The following CCN5 variants were observed in gnomAD, a reference collection of about 807,000 sequenced individuals.
CCN5 encodes cellular communication network factor 5.
Under a neutral mutation model 18.7 loss-of-function variants are expected in CCN5, and 17 were observed. That is an observed-to-expected ratio of 0.91 (90% CI 0.62 to 1.36). The LOEUF (loss-of-function observed/expected upper bound fraction) is 1.36. CCN5 is among the 40% of genes most tolerant of loss of function. The pLI is 0.00. For synonymous variants in CCN5, 135 were observed against 145.2 expected, an observed-to-expected ratio of 0.93 and a Z score of 0.50; for missense variants, 367 against 342.9, an observed-to-expected ratio of 1.07 and a Z score of -0.56.
intron 1 of CCN5, among the ~76,000 whole-genome samples, chr20:44,717,450 T>A (rs543349081): frequency 1.9e-4 from 29 of 152,258 alleles, no homozygotes; most frequent in African/African-American, 6.3e-4. Context: ...TGTTTTCAGG[T>A]GGGAGGGACC....
At chr20:44,726,426 G>T (rs766755029) in intron 3 of CCN5, among the ~76,000 whole-genome samples, 2 of 151,964 alleles carry the variant, frequency 1.3e-5, no homozygotes, top group African/African-American at 2.4e-5. Context: ...AGTGACAATT[G>T]GGGCAAGTAA....
intron 2 of CCN5, 76 bp from the exon 3 acceptor site, chr20:44,724,662 G>A (rs2065922355): frequency 1.9e-6 from 3 of 1,580,362 alleles, no homozygotes; most frequent in African/African-American, 1.4e-5. Context: ...CTCAGGCAGC[G>A]GGATCTGGGC....
In CCN5 at chr20:44,727,016, G is replaced by A. The variant is rs916971842; in HGVS notation, c.533-71G>A. ...CCATTTGACCAAGATTGCCGTGGCC[G>A]CTGGCAGGTGGGTTGATTGAGCTGC... On this transcript the variant is annotated intron_variant, in intron 3 of 3. Transcript: ENST00000190983. 2.7e-5 allele frequency: 39 copies of A among 1,425,446 alleles called. No homozygotes were observed. The African/African-American group carries it at 2.9e-4, about 11-fold the overall frequency. The allele number at this position is 1,425,446 out of a possible 1,614,324, so 88.3% of individuals were successfully genotyped here.
Position 44,724,661 on chromosome 20 carries a change from C to A in CCN5, c.278-77C>A, listed in dbSNP as rs915351659. On this transcript the variant is annotated intron_variant, in intron 2 of 3. Transcript: ENST00000190983. ...ACTGTGAGGCAGCTGCCTCAGGCAGCGGGATCTGGGCAGCTCTGCAGAGAA... is the reference window on the plus strand; with the variant it reads ...ACTGTGAGGCAGCTGCCTCAGGCAGAGGGATCTGGGCAGCTCTGCAGAGAA... The A allele has an allele frequency of 1.1e-4, 166 of 1,579,472 alleles. 2 individuals carry two copies. The African/African-American group carries it at 2.0e-3, about 19-fold the overall frequency.
intron 2 of CCN5, 90 bp downstream of exon 2, chr20:44,720,203 C>T: frequency 1.5e-6 from 2 of 1,368,892 alleles, no homozygotes; most frequent in Non-Finnish European, 2.0e-6. Flanking sequence ...CCTCCTCTCT[C>T]TACCTCCTTG....
intron 2 of CCN5, chr20:44,724,521 A>C (rs1178552561): frequency 3.0e-6 from 2 of 663,326 alleles, no homozygotes; most frequent in Non-Finnish European, 4.9e-6. Context: ...TGGGGGGTCA[A>C]TCCAGGCCTG....
In CCN5 at chr20:44,715,458, G is replaced by A. The variant is rs369944516; in HGVS notation, c.60+8G>A. On this transcript the variant is annotated splice_region_variant and intron_variant, in intron 1 of 3. Coordinates refer to ENST00000190983, the MANE Select transcript of CCN5 (RefSeq NM_003881.4). ...CTCTGCCTCCTCTCAAAGGTAAGGA[G>A]GCCCGGGCCCTGGAATGCACTGCTG... The A allele has an allele frequency of 1.9e-6, 3 of 1,588,562 alleles. No individual in the cohort carries two copies.
chr20:44,718,304 G>A (rs1007798428), intron 1 of CCN5, among the ~76,000 whole-genome samples: 5 of 152,272 alleles, frequency 3.3e-5, no homozygotes, highest in Admixed American at 6.5e-5. Flanking sequence ...ACTGGGCGGG[G>A]CAGAGGGTGA....
At chr20:44,716,197 T>C (rs1480988779) in intron 1 of CCN5, among the ~76,000 whole-genome samples, 1 of 152,186 alleles carries the variant, frequency 6.6e-6, no homozygotes, top group Non-Finnish European at 1.5e-5. Flanking sequence ...AGAGCCATGG[T>C]GGAGCCCAGA....
intron 2 of CCN5, chr20:44,721,455 T>C (rs979932914): frequency 8.3e-5 from 11 of 132,454 alleles, no homozygotes; most frequent in Non-Finnish European, 1.2e-4. Context: ...GAGGCTGCAG[T>C]GAGCCATGGT....
Position 44,727,444 on chromosome 20 carries a change from G to C in CCN5, c.*137G>C. On this transcript the variant is annotated 3_prime_UTR_variant, in exon 4 of 4. Coordinates refer to ENST00000190983, the MANE Select transcript of CCN5 (RefSeq NM_003881.4). ...CACTTTAGCTTGGGTCCACCATGCA[G>C]AACACCAATATTAACACGCTGCCTG... 1 of 1,441,988 alleles carries C rather than the reference G, an allele frequency of 6.9e-7. No individual in the cohort carries two copies. The allele number at this position is 1,441,988 out of a possible 1,614,324, so 89.3% of individuals were successfully genotyped here. A position where few individuals can be genotyped will look rare whatever the true frequency, so the allele number is the denominator to read the frequency against.
At position 44,727,363 on chromosome 20, in the gene CCN5, C is replaced by G; in HGVS notation, c.*56C>G. ...ACCATCCCCAGCTGGTGGCCCTGTG[C>G]CTGGGCCCTGGGCTGATGGAAGATG... On this transcript the variant is annotated 3_prime_UTR_variant, in exon 4 of 4. Transcript: ENST00000190983. The G allele has an allele frequency of 6.6e-7, 1 of 1,523,744 alleles. No individual in the cohort carries two copies. The highest frequency in any genetic ancestry group is 1.3e-5 in the South Asian group (1 of 79,322). The allele number at this position is 1,523,744 out of a possible 1,614,324, so 94.4% of individuals were successfully genotyped here. A position where few individuals can be genotyped will look rare whatever the true frequency, so the allele number is the denominator to read the frequency against.
Position 44,727,144 on chromosome 20 carries a change from G to A in CCN5, c.590G>A (p.Trp197Ter). ...SLPPGVPCPEWSTAWGPCSTT... is the reference protein window; with the variant it reads ...SLPPGVPCPE Reference sequence around the variant, plus strand: ...CCCCCTGGTGTCCCCTGCCCAGAATGGAGCACGGCCTGGGGACCCTGCTCG... The same window carrying A: ...CCCCCTGGTGTCCCCTGCCCAGAATAGAGCACGGCCTGGGGACCCTGCTCG... Residue 197 changes from tryptophan to a stop codon, truncating the protein, a stop_gained, in exon 4 of 4, where the codon TGG (tryptophan) becomes TAG (stop). Coordinates refer to ENST00000190983, the MANE Select transcript of CCN5 (RefSeq NM_003881.4). LOFTEE classifies it low-confidence loss of function (END_TRUNC). 6.2e-7 allele frequency: 1 copy of A among 1,612,864 alleles called. No homozygotes were observed. The highest frequency in any genetic ancestry group is 1.1e-5 in the South Asian group (1 of 90,860).
chr20:44,719,880 G>A lies in CCN5; in HGVS notation c.61-17G>A, dbSNP rs1299663222. On this transcript the variant is annotated splice_polypyrimidine_tract_variant and intron_variant, in intron 1 of 3. Coordinates refer to ENST00000190983, the MANE Select transcript of CCN5 (RefSeq NM_003881.4). ...ACCTCGAAAGCCCGTGGCTGAGTGAGGTCTCTGTCTCTTCAGGTGCGTACC... is the reference window on the plus strand; with the variant it reads ...ACCTCGAAAGCCCGTGGCTGAGTGAAGTCTCTGTCTCTTCAGGTGCGTACC... 1 of 1,606,756 alleles carries A rather than the reference G, an allele frequency of 6.2e-7. No homozygotes were observed. The highest frequency in any genetic ancestry group is 8.5e-7 in the Non-Finnish European group (1 of 1,177,876).
chr20:44,721,477 A>C (rs907585464), intron 2 of CCN5: 4 of 147,500 alleles, frequency 2.7e-5, no homozygotes, highest in African/African-American at 1.0e-4. Context: ...GCGCCACTAC[A>C]TTCCAGCCCG....
rs2065924715 is a variant in CCN5, at chr20:44,724,868, G to C, written c.408G>C (p.Glu136Asp). 1 of 1,595,816 alleles carries C rather than the reference G, an allele frequency of 6.3e-7. No individual in the cohort carries two copies. Among genetic ancestry groups the C allele is most frequent in the Non-Finnish European group, 8.5e-7 (1 of 1,172,372 alleles). Reference sequence around the variant, plus strand: ...TCACCTGCGTGCCGCTGTGCAGCGAGGATGTGCGGCTGCCCAGCTGGGACT... The same window carrying C: ...TCACCTGCGTGCCGCTGTGCAGCGACGATGTGCGGCTGCCCAGCTGGGACT... Reference protein sequence around the residue: ...GGFTCVPLCSEDVRLPSWDCP... With the variant: ...GGFTCVPLCSDDVRLPSWDCP... Residue 136 changes from glutamate to aspartate, a missense_variant, in exon 3 of 4, where the codon GAG becomes GAC. Glu to Asp is a conservative substitution (Grantham distance 45). Coordinates refer to ENST00000190983, the MANE Select transcript of CCN5 (RefSeq NM_003881.4).
rs114331525 is a variant in CCN5, at chr20:44,726,812, C to T, written c.533-275C>T. Among the ~76,000 whole-genome samples, 1,112 of 152,188 alleles carry T rather than the reference C, an allele frequency of 7.3e-3. 13 individuals carry two copies. The highest frequency in any genetic ancestry group is 0.026 in the African/African-American group (1,067 of 41,484). On this transcript the variant is annotated intron_variant, in intron 3 of 3. Coordinates refer to ENST00000190983, the MANE Select transcript of CCN5 (RefSeq NM_003881.4). The stretch of plus-strand genomic sequence containing the variant: ...CTGTTTATCCAAAGAGACGAGAAAA[C>T]CATGGTTCACTGAGGGACCATCGTG...
Position 44,727,647 on chromosome 20 carries a change from G to C in CCN5, c.*340G>C. The stretch of plus-strand genomic sequence containing the variant: ...TTTCTCTCCGACTTCCCCTGGGCAA[G>C]AGATGGGACAAGCAGTCCCTTAATA... On this transcript the variant is annotated 3_prime_UTR_variant, in exon 4 of 4. Transcript: ENST00000190983. 2.7e-6 allele frequency: 2 copies of C among 730,248 alleles called. No homozygotes were observed. The highest frequency in any genetic ancestry group is 3.8e-6 in the Non-Finnish European group (2 of 527,830). The allele number at this position is 730,248 out of a possible 1,614,324, so 45.2% of individuals were successfully genotyped here. A position where few individuals can be genotyped will look rare whatever the true frequency, so the allele number is the denominator to read the frequency against.
At position 44,720,167 on chromosome 20, in the gene CCN5, C is replaced by G. The variant is rs757067522; in HGVS notation, c.277+54C>G. 8.6e-6 allele frequency: 13 copies of G among 1,515,100 alleles called. No individual in the cohort carries two copies. The Admixed American group carries it at 2.6e-4, about 30-fold the overall frequency. 93.9% of individuals were successfully genotyped at this position (1,515,100 alleles called of 1,614,324 possible). ...GCGGGTGTGAGCGGGAGGTCAAGGC[C>G]GTGGTGTCCTGGATCAAAGTGCAGC... On this transcript the variant is annotated intron_variant, in intron 2 of 3. Coordinates refer to ENST00000190983, the MANE Select transcript of CCN5 (RefSeq NM_003881.4).
Sources: gnomAD v4.1 joint callset for allele counts (sites outside exome capture counted in the v4.1 genomes callset) on GRCh38, gnomAD v4.1.1 for gene constraint, MANE v1.5 for transcripts, NCBI Gene and HGNC (gene_info 2026-07-23, HGNC 2026-07-21) for gene names.